Variants in CD4 observed in about 807,000 individuals in gnomAD.
CD4 encodes T-cell surface glycoprotein CD4.
In CD4, 25 loss-of-function variants were observed where a neutral mutation model predicts 50.5. That is an observed-to-expected ratio of 0.49 (90% CI 0.36 to 0.69). CD4 has a LOEUF of 0.69. Among genes scored for constraint, CD4 ranks in the 30% least tolerant of loss-of-function variants. The pLI, the probability that CD4 is intolerant of heterozygous loss-of-function variation, is 0.00. For missense variants in CD4, 456 were observed against 548.5 expected, an observed-to-expected ratio of 0.83 and a Z score of 1.68; for synonymous variants, 207 against 221.9, an observed-to-expected ratio of 0.93 and a Z score of 0.60.
chr12:6,798,651 A>G (rs1251684387), intron 1 of CD4, among the ~76,000 whole-genome samples: 2 of 152,198 alleles, frequency 1.3e-5, no homozygotes, highest in Non-Finnish European at 1.5e-5. Flanking sequence ...AGACACAGTA[A>G]CAATCTGATC....
chr12:6,800,795 A>T (rs1409325638), intron 3 of CD4, among the ~76,000 whole-genome samples: 1 of 152,192 alleles, frequency 6.6e-6, no homozygotes, highest in East Asian at 1.9e-4. Flanking sequence ...ACAGTGACTC[A>T]TATGTATAAT....
At chr12:6,798,362 T>C (rs7296135) in intron 1 of CD4, among the ~76,000 whole-genome samples, 4,702 of 123,468 alleles carry the variant, frequency 0.038, 926 homozygotes, top group African/African-American at 0.13. Flanking sequence ...TTAGTAGAGA[T>C]GGGGTTTCAC....
At chr12:6,799,848 T>C (rs1942482146) in intron 1 of CD4, among the ~76,000 whole-genome samples, 1 of 152,120 alleles carries the variant, frequency 6.6e-6, no homozygotes, top group African/African-American at 2.4e-5. Context: ...GCCATGGGGC[T>C]CCTTATTCAC....
chr12:6,809,856 G>GC (rs1555116743), intron 3 of CD4, among the ~76,000 whole-genome samples: 2 of 149,870 alleles, frequency 1.3e-5, no homozygotes, highest in Non-Finnish European at 3.0e-5. Context: ...TAATGTCCTT[G>GC]CTGCTCCCCG....
rs782456274 is a variant in CD4, at chr12:6,818,482, C to T, written c.1218C>T (p.Ala406=). Reference sequence around the variant, plus strand: ...CCCTGATTGTGCTGGGGGGCGTCGCCGGCCTCCTGCTTTTCATTGGGCTAG... The same window carrying T: ...CCCTGATTGTGCTGGGGGGCGTCGCTGGCCTCCTGCTTTTCATTGGGCTAG... ...PMALIVLGGV[A]GLLLFIGLGI... Residue 406 remains alanine, a synonymous_variant, in exon 8 of 10, where the codon GCC becomes GCT. Transcript: ENST00000011653. The surrounding 1 kb of genome is among the most constrained non-coding windows in gnomAD (Gnocchi z 5.0). The T allele has an allele frequency of 2.1e-5, 34 of 1,612,850 alleles. No homozygotes were observed. Among genetic ancestry groups the T allele is most frequent in the East Asian group, 6.7e-5 (3 of 44,886 alleles).
chr12:6,800,156 T>C lies in CD4; in HGVS notation c.18T>C (p.Pro6=), dbSNP rs781935284. The C allele has an allele frequency of 5.6e-6, 9 of 1,613,870 alleles. No homozygotes were observed. In the Admixed American group the frequency reaches 1.5e-4, roughly 27 times the overall value. MNRGV[P]FRHLLLVLQL... The stretch of plus-strand genomic sequence containing the variant: ...AGGCCACAATGAACCGGGGAGTCCC[T>C]TTTAGGCACTTGCTTCTGGTGCTGC... The change falls in exon 2 of 10, where the codon CCT becomes CCC. Residue 6 remains proline (P), a synonymous_variant. Coordinates refer to ENST00000011653, the MANE Select transcript of CD4 (RefSeq NM_000616.5).
In CD4 at chr12:6,819,283, T is replaced by C; in HGVS notation, c.1347-16T>C. On this transcript the variant is annotated splice_polypyrimidine_tract_variant and intron_variant, in intron 9 of 9. Transcript: ENST00000011653. ...AGTGGGGACAGACCTGCTCCCCTTCTTCTTTGTTCCTGCAGCCGGTTTCAG... is the reference window on the plus strand; with the variant it reads ...AGTGGGGACAGACCTGCTCCCCTTCCTCTTTGTTCCTGCAGCCGGTTTCAG... 1 of 1,614,094 alleles carries C rather than the reference T, an allele frequency of 6.2e-7. No individual in the cohort carries two copies. The highest frequency in any genetic ancestry group is 8.5e-7 in the Non-Finnish European group (1 of 1,179,956).
rs202082987 is a variant in CD4, at chr12:6,819,334, C to A, written c.*5C>A. 1.2e-6 allele frequency: 2 copies of A among 1,614,016 alleles called. No homozygotes were observed. Among genetic ancestry groups the A allele is most frequent in the Non-Finnish European group, 1.7e-6 (2 of 1,179,900 alleles). Reference sequence around the variant, plus strand: ...AAGACATGTAGCCCCATTTGAGGCACGAGGCCAGGCAGATCCCACTTGCAG... The same window carrying A: ...AAGACATGTAGCCCCATTTGAGGCAAGAGGCCAGGCAGATCCCACTTGCAG... On this transcript the variant is annotated 3_prime_UTR_variant, in exon 10 of 10. Coordinates refer to ENST00000011653, the MANE Select transcript of CD4 (RefSeq NM_000616.5).
chr12:6,814,675 G>A, intron 4 of CD4, 84 bp from the exon 5 acceptor site: 5 of 1,013,122 alleles, frequency 4.9e-6, no homozygotes, highest in Non-Finnish European at 7.9e-6. Context: ...CGGCGATAAT[G>A]GAGAGATGTT....
rs1264983741 is a variant in CD4, at chr12:6,820,767, C to T, written c.*1438C>T. ...TTGTGCCCACTCTCCACCCCTGCTC[C>T]CCTGAGCTGAAATAAAAATACAATA... On this transcript the variant is annotated 3_prime_UTR_variant, in exon 10 of 10. Coordinates refer to ENST00000011653, the MANE Select transcript of CD4 (RefSeq NM_000616.5). 2.6e-5 allele frequency: 4 copies of T among 152,260 alleles called. No individual in the cohort carries two copies. The highest frequency in any genetic ancestry group is 1.3e-4 in the Admixed American group (2 of 15,216). 9.4% of individuals were successfully genotyped at this position (152,260 alleles called of 1,614,324 possible). A position where few individuals can be genotyped will look rare whatever the true frequency, so the allele number is the denominator to read the frequency against.
chr12:6,794,792 T>TTTTTTTTTTG (rs1565488990), intron 1 of CD4, among the ~76,000 whole-genome samples: 16 of 139,946 alleles, frequency 1.1e-4, no homozygotes, highest in African/African-American at 3.8e-4. Flanking sequence ...TTTTGTTTTT[T>TTTTTTTTTTG]TTTTTTTTTT....
At chr12:6,804,896 G>A (rs1427037119) in intron 3 of CD4, among the ~76,000 whole-genome samples, 3 of 151,674 alleles carry the variant, frequency 2.0e-5, no homozygotes, top group Non-Finnish European at 4.4e-5. Flanking sequence ...GGCGCCTGTA[G>A]ACCCAGCTAC....
At chr12:6,794,614 C>T (rs1190924310) in intron 1 of CD4, among the ~76,000 whole-genome samples, 1 of 151,758 alleles carries the variant, frequency 6.6e-6, no homozygotes, top group Non-Finnish European at 1.5e-5. Flanking sequence ...TCAGGTGATC[C>T]ACTTGCCTTG....
At position 6,819,993 on chromosome 12, in the gene CD4, T is replaced by C. The variant is rs191336635; in HGVS notation, c.*664T>C. 1 of 152,608 alleles carries C rather than the reference T, an allele frequency of 6.6e-6. No individual in the cohort carries two copies. Among genetic ancestry groups the C allele is most frequent in the Admixed American group, 6.5e-5 (1 of 15,306 alleles). 9.5% of individuals were successfully genotyped at this position (152,608 alleles called of 1,614,324 possible). ...AAGGCTGGCAGTGACAGAACTAAGA[T>C]GATCATCTCCAGTTTATAGACCAGA... On this transcript the variant is annotated 3_prime_UTR_variant, in exon 10 of 10. Coordinates refer to ENST00000011653, the MANE Select transcript of CD4 (RefSeq NM_000616.5).
chr12:6,795,102 A>ATCTATCTG (rs1565489155), intron 1 of CD4, among the ~76,000 whole-genome samples: 1 of 148,948 alleles, frequency 6.7e-6, no homozygotes. Flanking sequence ...GTCTGTCTCT[A>ATCTATCTG]TCTATCTATC....
rs868942396 is a variant in CD4, at chr12:6,813,220, A to T, written c.215-922A>T. ...CTCCCAAGGCGGCTAATTAAAAAAAATTTTTTTTTTTTTTTTTTTAGAGAT... is the reference window on the plus strand; with the variant it reads ...CTCCCAAGGCGGCTAATTAAAAAAATTTTTTTTTTTTTTTTTTTTAGAGAT... On this transcript the variant is annotated intron_variant, in intron 3 of 9. Coordinates refer to ENST00000011653, the MANE Select transcript of CD4 (RefSeq NM_000616.5). 5.2e-3 allele frequency among the ~76,000 whole-genome samples: 703 copies of T among 135,970 alleles called. 1 individual carries two copies. The highest frequency in any genetic ancestry group is 0.015 in the African/African-American group (558 of 36,570). 89.2% of individuals were successfully genotyped at this position (135,970 alleles called of 152,430 possible).
rs1942487395 is a variant in CD4 at position 6,800,003 on chromosome 12, T to A, written c.-67-69T>A. The A allele has an allele frequency of 1.3e-5, 10 of 747,738 alleles. 1 individual carries two copies. Among genetic ancestry groups the A allele is most frequent in the Non-Finnish European group, 1.9e-5 (8 of 428,914 alleles). 46.3% of individuals were successfully genotyped at this position (747,738 alleles called of 1,614,324 possible). ...GGCTGCAAGGGTCCTGAGGGAGAGG[T>A]TGTGTATCGCCCCTGTATACTCCAG... On this transcript the variant is annotated intron_variant, in intron 1 of 9. Transcript: ENST00000011653.
Position 6,800,061 on chromosome 12 carries a change from A to T in CD4, c.-67-11A>T, listed in dbSNP as rs1942489640. 1 of 1,300,738 alleles carries T rather than the reference A, an allele frequency of 7.7e-7. No individual in the cohort carries two copies. The allele number at this position is 1,300,738 out of a possible 1,614,324, so 80.6% of individuals were successfully genotyped here. Reference sequence around the variant, plus strand: ...AAATGTTTGCTGACTAATGATTGGCATTTCCCTCAGGCCCTGCCATTTCTG... The same window carrying T: ...AAATGTTTGCTGACTAATGATTGGCTTTTCCCTCAGGCCCTGCCATTTCTG... On this transcript the variant is annotated splice_polypyrimidine_tract_variant and intron_variant, in intron 1 of 9. Coordinates refer to ENST00000011653, the MANE Select transcript of CD4 (RefSeq NM_000616.5).
chr12:6,814,873 T>C lies in CD4; in HGVS notation c.488T>C (p.Ile163Thr), dbSNP rs1943044492. The C allele has an allele frequency of 6.2e-7, 1 of 1,613,204 alleles. No individual in the cohort carries two copies. Among genetic ancestry groups the C allele is most frequent in the African/African-American group, 1.3e-5 (1 of 74,764 alleles). ...TGTAGGAGTCCAAGGGGTAAAAACA[T>C]ACAGGGGGGGAAGACCCTCTCCGTG... The part of the protein sequence containing the change: ...VQCRSPRGKN[I>T]QGGKTLSVSQ... The change falls in exon 5 of 10, where the codon ATA (isoleucine) becomes ACA (threonine). Residue 163 changes from isoleucine to threonine, a missense_variant. Physicochemically the swap from Ile to Thr is moderately conservative, Grantham distance 89. Transcript: ENST00000011653.
Sources: allele counts gnomAD v4.1 joint callset (sites outside exome capture counted in the v4.1 genomes callset), GRCh38; gene constraint gnomAD v4.1.1; non-coding constraint Gnocchi (gnomAD v3.1); transcripts MANE v1.5; gene names NCBI Gene and HGNC (gene_info 2026-07-23, HGNC 2026-07-21).